DLC1: variants seen among roughly 807,000 people sequenced by gnomAD.
The protein encoded by DLC1 is rho GTPase-activating protein 7.
Under a neutral mutation model 140.3 loss-of-function variants are expected in DLC1, and 54 were observed. The ratio of observed to expected loss-of-function variants is 0.38; its 90% CI spans 0.31 to 0.48. The LOEUF is 0.48. Ranked by LOEUF, DLC1 falls within the 20% of genes least tolerant of loss-of-function variation. The pLI is 0.96. For synonymous variants in DLC1, 986 were observed against 728.1 expected, an observed-to-expected ratio of 1.35 and a Z score of -5.70; for missense variants, 2,536 against 1,907.0, an observed-to-expected ratio of 1.33 and a Z score of -6.14.
chr8:13,271,295 A>G (rs534708560), intron 5 of DLC1, among the ~76,000 whole-genome samples: 20 of 152,214 alleles, frequency 1.3e-4, no homozygotes, highest in Admixed American at 1.1e-3. Context: ...AAGGCATTAC[A>G]TATGCCCTTA....
intron 1 of DLC1, among the ~76,000 whole-genome samples, chr8:13,548,473 A>G (rs1164833469): frequency 6.6e-6 from 1 of 152,082 alleles, no homozygotes; most frequent in East Asian, 1.9e-4. Context: ...TGAAGTAGGT[A>G]TGCAGATGAT....
intron 1 of DLC1, among the ~76,000 whole-genome samples, chr8:13,571,363 C>T (rs1430598880): frequency 1.3e-5 from 2 of 152,132 alleles, no homozygotes; most frequent in Non-Finnish European, 2.9e-5. Flanking sequence ...AGCAATAACT[C>T]CCCATTCTCC....
intron 7 of DLC1, among the ~76,000 whole-genome samples, chr8:13,109,920 CA>C (rs773118196): frequency 4.0e-5 from 6 of 151,888 alleles, no homozygotes; most frequent in Non-Finnish European, 7.4e-5. Context: ...ACAAAAAAAA[CA>C]AAAACAAAAA....
chr8:13,502,154 A>T (rs1162474828), intron 1 of DLC1, among the ~76,000 whole-genome samples: 1 of 152,230 alleles, frequency 6.6e-6, no homozygotes. Context: ...AATAATATTC[A>T]TTAATTTCTG....
At chr8:13,245,377 C>T (rs1829722873) in intron 5 of DLC1, among the ~76,000 whole-genome samples, 1 of 152,224 alleles carries the variant, frequency 6.6e-6, no homozygotes, top group African/African-American at 2.4e-5. Flanking sequence ...TGTGCCTATC[C>T]CAATTCTGAC....
At chr8:13,439,468 T>C (rs1839262978) in intron 2 of DLC1, among the ~76,000 whole-genome samples, 2 of 152,080 alleles carry the variant, frequency 1.3e-5, no homozygotes, top group Admixed American at 1.3e-4. Context: ...CAACTTTCTC[T>C]GTTTTTCTTT....
chr8:13,499,208 C>T lies in DLC1; in HGVS notation c.864G>A (p.Met288Ile), dbSNP rs1412692660. 5 of 1,614,206 alleles carry T rather than the reference C, an allele frequency of 3.1e-6. No individual in the cohort carries two copies. The change falls in exon 2 of 18, where the codon ATG (methionine) becomes ATA (isoleucine). Residue 288 changes from methionine (M) to isoleucine (I), a missense_variant. Physicochemically the swap from Met to Ile is conservative, Grantham distance 10. Coordinates refer to ENST00000276297, the MANE Select transcript of DLC1 (RefSeq NM_182643.3). The stretch of plus-strand genomic sequence containing the variant: ...TCTTCTCCAGGCCATTTTCAGCTGA[C>T]ATTCCATTGGGGCAGGAAGGAGGCT... The part of the protein sequence containing the change: ...LLQPPSCPNG[M>I]SAENGLEKSG...
At chr8:13,363,941 C>T (rs564170853) in intron 4 of DLC1, among the ~76,000 whole-genome samples, 6 of 152,172 alleles carry the variant, frequency 3.9e-5, no homozygotes, top group South Asian at 2.1e-4. Context: ...ACTCTTTCTA[C>T]GCTCTAAGAA....
intron 5 of DLC1, among the ~76,000 whole-genome samples, chr8:13,178,083 T>C (rs1312516682): frequency 6.6e-6 from 1 of 152,152 alleles, no homozygotes; most frequent in Non-Finnish European, 1.5e-5. Flanking sequence ...GTCAATCATA[T>C]ATCTGTATAG....
In DLC1 at chr8:13,579,492, T is replaced by TATTTTATATTATATATTTAATAC. The variant is rs1804997630; in HGVS notation, c.-126+25044_-126+25045insGTATTAAATATATAATATAAAAT. On this transcript the variant is annotated intron_variant, in intron 1 of 1. Transcript: ENST00000631382. ...TATATTTTATATTATATATTTAATATATTATATTTTATATTATATATTTAA... is the reference window on the plus strand; with the variant it reads ...TATATTTTATATTATATATTTAATATATTTTATATTATATATTTAATACATTATATTTTATATTATATATTTAA... Among the ~76,000 whole-genome samples, 15 of 84,586 alleles carry TATTTTATATTATATATTTAATAC rather than the reference T, an allele frequency of 1.8e-4. 5 individuals are homozygous for TATTTTATATTATATATTTAATAC. The highest frequency in any genetic ancestry group is 2.6e-4 in the Non-Finnish European group (12 of 45,610). The allele number at this position is 84,586 out of a possible 152,430, so 55.5% of individuals were successfully genotyped here.
In DLC1 at chr8:13,413,467, C is replaced by T. The variant is rs187320907; in HGVS notation, c.1024-11848G>A. Among the ~76,000 whole-genome samples the T allele has an allele frequency of 2.4e-3, 353 of 145,110 alleles. 1 individual carries two copies. The highest frequency in any genetic ancestry group is 3.9e-3 in the Non-Finnish European group (256 of 65,680). The stretch of plus-strand genomic sequence containing the variant: ...AGCACACATACAGACACATCCAATG[C>T]AAAATTATTTCTCTGTGTGTGTGTG... On this transcript the variant is annotated intron_variant, in intron 2 of 17. Transcript: ENST00000276297.
chr8:13,488,167 A>G (rs1467001981), intron 2 of DLC1, among the ~76,000 whole-genome samples: 1 of 152,210 alleles, frequency 6.6e-6, no homozygotes, highest in East Asian at 1.9e-4. Context: ...AAACTATATA[A>G]AACAGTGTAT....
intron 4 of DLC1, among the ~76,000 whole-genome samples, chr8:13,322,612 CTTA>C (rs1251094943): frequency 1.3e-5 from 2 of 152,068 alleles, no homozygotes; most frequent in African/African-American, 4.8e-5. Flanking sequence ...AAAGTTTTAG[CTTA>C]TCTTTAAAGT....
chr8:13,140,648 T>C (rs1382052423), intron 5 of DLC1, among the ~76,000 whole-genome samples: 2 of 152,120 alleles, frequency 1.3e-5, no homozygotes, highest in Non-Finnish European at 2.9e-5. Flanking sequence ...TACTAGTATG[T>C]CATCTGCCTT....
chr8:13,361,457 A>C (rs527562460), intron 4 of DLC1, among the ~76,000 whole-genome samples: 4 of 151,898 alleles, frequency 2.6e-5, no homozygotes, highest in South Asian at 2.1e-4. Context: ...TTTTGAGACA[A>C]GTTCCTCTAT....
At chr8:13,391,955 T>A (rs55825350) in intron 4 of DLC1, among the ~76,000 whole-genome samples, 9,490 of 151,992 alleles carry the variant, frequency 0.062, 1,011 homozygotes, top group African/African-American at 0.22. Flanking sequence ...AAGTCAAAAC[T>A]GTTGAGAAGG....
intron 1 of DLC1, 120 bp from the exon 2 acceptor site, chr8:13,500,316 T>A: frequency 2.7e-6 from 1 of 377,082 alleles, no homozygotes; most frequent in Non-Finnish European, 4.8e-6. Flanking sequence ...AAAGCTTCTG[T>A]TTAGTAGCTT....
chr8:13,097,248 A>ATTT (rs1563584190), intron 10 of DLC1, among the ~76,000 whole-genome samples: 2 of 57,776 alleles, frequency 3.5e-5, no homozygotes, highest in African/African-American at 5.3e-5. Context: ...TCACATCCAA[A>ATTT]TTTATTATTA....
At chr8:13,420,431 G>T (rs1053874095) in intron 2 of DLC1, among the ~76,000 whole-genome samples, 2 of 152,134 alleles carry the variant, frequency 1.3e-5, no homozygotes, top group African/African-American at 4.8e-5. Context: ...TGGGATACAT[G>T]TGCAAACTTG....
Sources: gnomAD v4.1 joint callset for allele counts (sites outside exome capture counted in the v4.1 genomes callset) on GRCh38, gnomAD v4.1.1 for gene constraint, MANE v1.5 for transcripts, NCBI Gene and HGNC (gene_info 2026-07-23, HGNC 2026-07-21) for gene names.